CREM: variants seen among roughly 807,000 people sequenced by gnomAD.
CREM encodes the protein cAMP responsive element modulator.
A neutral mutation model predicts 37.3 loss-of-function variants in CREM; 13 were observed. The ratio of observed to expected loss-of-function variants is 0.35; its 90% CI spans 0.23 to 0.55. The LOEUF (loss-of-function observed/expected upper bound fraction) is 0.55. Among genes scored for constraint, CREM ranks in the 20% least tolerant of loss-of-function variants. The probability of loss-of-function intolerance (pLI) is 0.88; values close to 1 mark genes in which losing one functional copy is unlikely to be tolerated. For synonymous variants in CREM, 124 were observed against 120.2 expected, an observed-to-expected ratio of 1.03 and a Z score of -0.21; for missense variants, 296 against 362.3, an observed-to-expected ratio of 0.82 and a Z score of 1.49.
intron 6 of CREM, among the ~76,000 whole-genome samples, chr10:35,199,824 C>T (rs1743495107): frequency 6.6e-6 from 1 of 150,734 alleles, no homozygotes; most frequent in Admixed American, 6.6e-5. Flanking sequence ...CATGCTGCTA[C>T]ACACTGCTTA....
At position 35,188,351 on chromosome 10, in the gene CREM, G is replaced by A. The variant is rs1172024767; in HGVS notation, c.561G>A (p.Gln187=). Residue 187 remains glutamine, a synonymous_variant, in exon 6 of 8, where the codon CAG becomes CAA. Coordinates refer to ENST00000685392, the MANE Select transcript of CREM (RefSeq NM_183011.2). ...QYAAQSADGT[Q]QFFVPGSQVV... ...CAGCACAATCAGCTGATGGCACACA[G>A]CAGTTCTTTGTCCCAGGCAGCCAGG... 3.1e-6 allele frequency: 5 copies of A among 1,612,762 alleles called. No homozygotes were observed. In the African/African-American group the frequency reaches 5.3e-5, roughly 17 times the overall value.
At chr10:35,177,830 T>A (rs2094161195) in intron 3 of CREM, among the ~76,000 whole-genome samples, 1 of 152,178 alleles carries the variant, frequency 6.6e-6, no homozygotes. Flanking sequence ...CTATGACAGA[T>A]GTGTGACAGC....
intron 3 of CREM, among the ~76,000 whole-genome samples, chr10:35,151,654 G>A (rs2092608008): frequency 6.6e-6 from 1 of 152,198 alleles, no homozygotes; most frequent in Non-Finnish European, 1.5e-5. Flanking sequence ...GATTACTGGT[G>A]TGAGCCACTG....
chr10:35,198,112 C>A (rs1393987130), intron 6 of CREM, among the ~76,000 whole-genome samples: 1 of 152,102 alleles, frequency 6.6e-6, no homozygotes, highest in Non-Finnish European at 1.5e-5. Flanking sequence ...CATTAATGGT[C>A]TACAGCTTAC....
intron 3 of CREM, among the ~76,000 whole-genome samples, chr10:35,158,794 T>C (rs12768323): frequency 0.13 from 18,882 of 145,340 alleles, 1,448 homozygotes; most frequent in South Asian, 0.19. Flanking sequence ...GTAGCAAATA[T>C]AGTGTTTTTT....
chr10:35,149,826 C>T (rs1323045847), intron 3 of CREM, among the ~76,000 whole-genome samples: 1 of 147,580 alleles, frequency 6.8e-6, no homozygotes, highest in Non-Finnish European at 1.5e-5. Flanking sequence ...GCTGTATCTC[C>T]CTAGCAACAC....
chr10:35,172,213 G>C (rs530673716), intron 3 of CREM, among the ~76,000 whole-genome samples: 1 of 152,148 alleles, frequency 6.6e-6, no homozygotes, highest in African/African-American at 2.4e-5. Flanking sequence ...CAGGGTTACT[G>C]GATATGTTTA....
At chr10:35,160,304 C>T (rs948298379) in intron 3 of CREM, among the ~76,000 whole-genome samples, 1 of 152,194 alleles carries the variant, frequency 6.6e-6, no homozygotes, top group Non-Finnish European at 1.5e-5. Flanking sequence ...GGGCACAAAA[C>T]CATAGTGGAG....
intron 3 of CREM, among the ~76,000 whole-genome samples, chr10:35,165,331 T>C (rs2132420485): frequency 1.3e-5 from 2 of 152,166 alleles, no homozygotes; most frequent in South Asian, 2.1e-4. Context: ...CGAGAACTCA[T>C]GACCATTCAT....
chr10:35,179,578 C>T (rs1043247243), intron 5 of CREM: 16 of 309,994 alleles, frequency 5.2e-5, no homozygotes, highest in African/African-American at 2.8e-4. Flanking sequence ...TTTTTGTTGT[C>T]TTTATGATGC....
At chr10:35,180,035 T>G (rs527398447) in intron 5 of CREM, among the ~76,000 whole-genome samples, 19 of 152,340 alleles carry the variant, frequency 1.2e-4, no homozygotes, top group African/African-American at 4.3e-4. Flanking sequence ...TAATGTGATA[T>G]TCCTGTCCTT....
intron 7 of CREM, among the ~76,000 whole-genome samples, chr10:35,208,607 G>A (rs1390599413): frequency 6.6e-6 from 1 of 152,100 alleles, no homozygotes; most frequent in Non-Finnish European, 1.5e-5. Context: ...CCCGCTCCCG[G>A]CTGTGTCATC....
At chr10:35,142,456 C>T (rs1407795527) in intron 2 of CREM, among the ~76,000 whole-genome samples, 1 of 151,970 alleles carries the variant, frequency 6.6e-6, no homozygotes, top group African/African-American at 2.4e-5. Context: ...GAGGCAAGGG[C>T]TTTCATTGAA....
chr10:35,191,694 T>G (rs2133861585), intron 6 of CREM, among the ~76,000 whole-genome samples: 1 of 152,304 alleles, frequency 6.6e-6, no homozygotes, highest in African/African-American at 2.4e-5. Flanking sequence ...CTCTCTCTGC[T>G]GCTTCTCTGT....
At chr10:35,160,261 C>T (rs566069731) in intron 3 of CREM, among the ~76,000 whole-genome samples, 4 of 152,172 alleles carry the variant, frequency 2.6e-5, no homozygotes, top group Admixed American at 1.3e-4. Flanking sequence ...AGTAAAAATA[C>T]GGTATCAAAG....
chr10:35,194,392 G>C lies in CREM; in HGVS notation c.598+6004G>C, dbSNP rs1489320579. ...AAAAATCCCAAATGTCTTTTCAGGG[G>C]GTTTTAATCTGGGAAAATAAGGTAT... On this transcript the variant is annotated intron_variant, in intron 6 of 7. Coordinates refer to ENST00000685392, the MANE Select transcript of CREM (RefSeq NM_183011.2). 3.9e-5 allele frequency among the ~76,000 whole-genome samples: 6 copies of C among 152,058 alleles called. No homozygotes were observed. In the East Asian group the frequency reaches 1.2e-3, roughly 29 times the overall value.
chr10:35,195,275 T>C, intron 6 of CREM: 1 of 1,594,164 alleles, frequency 6.3e-7, no homozygotes, highest in Non-Finnish European at 8.6e-7. Flanking sequence ...GTTTAGGAAG[T>C]ATTCAGGAAC....
chr10:35,203,156 A>G (rs572964597), intron 6 of CREM, among the ~76,000 whole-genome samples: 2 of 151,780 alleles, frequency 1.3e-5, no homozygotes, highest in East Asian at 1.9e-4. Context: ...CTGGGCTCAC[A>G]TGATCTTCCC....
At chr10:35,137,658 A>T (rs2090775923) in intron 1 of CREM, 124 bp from the exon 2 acceptor site, 2 of 372,992 alleles carry the variant, frequency 5.4e-6, no homozygotes, top group Admixed American at 9.9e-5. Flanking sequence ...TTTTAGTTTT[A>T]TAGAAATTAG....
Sources: gnomAD v4.1 joint callset for allele counts (sites outside exome capture counted in the v4.1 genomes callset) on GRCh38, gnomAD v4.1.1 for gene constraint, MANE v1.5 for transcripts, NCBI Gene and HGNC (gene_info 2026-07-23, HGNC 2026-07-21) for gene names.